The following RAPGEF4 variants were observed in gnomAD, a reference collection of about 807,000 sequenced individuals.
RAPGEF4 encodes RAP guanine-nucleotide-exchange factor (GEF) 4.
RAPGEF4 carries 66 observed loss-of-function variants against 147.9 expected under a neutral mutation model. The observed-to-expected ratio is 0.45, with a 90% CI of 0.37 to 0.55. The LOEUF (loss-of-function observed/expected upper bound fraction) is 0.55, where lower values mean the gene tolerates loss of function less well. RAPGEF4 is among the 20% of genes least tolerant of loss of function. The pLI is 0.00. For synonymous variants in RAPGEF4, 419 were observed against 442.7 expected (o/e 0.95, Z 0.67); for missense variants, 1,071 against 1,257.3 (o/e 0.85, Z 2.24).
chr2:172,832,188 T>A (rs1239156422), intron 4 of RAPGEF4, among the ~76,000 whole-genome samples: 1 of 152,232 alleles, frequency 6.6e-6, no homozygotes, highest in African/African-American at 2.4e-5. Flanking sequence ...TCCCTCTGGA[T>A]CTTACCAGTT....
chr2:173,043,232 G>A (rs2106054989), intron 29 of RAPGEF4, among the ~76,000 whole-genome samples: 1 of 152,342 alleles, frequency 6.6e-6, no homozygotes, highest in South Asian at 2.1e-4. Flanking sequence ...ATAGGCATAG[G>A]TCTGGAGACA....
intron 15 of RAPGEF4, among the ~76,000 whole-genome samples, chr2:172,991,473 A>G (rs1012604857): frequency 6.6e-6 from 1 of 152,202 alleles, no homozygotes. Context: ...CACATTTCTC[A>G]GATGTCCTGT....
intron 30 of RAPGEF4, 56 bp from the exon 31 acceptor site, chr2:173,051,584 G>A: frequency 6.5e-7 from 1 of 1,532,778 alleles, no homozygotes; most frequent in Non-Finnish European, 8.9e-7. Context: ...AAGTAAGATT[G>A]TATCTTATAT....
intron 4 of RAPGEF4, among the ~76,000 whole-genome samples, chr2:172,857,174 GCACACA>G (rs34315927): frequency 3.3e-4 from 49 of 150,130 alleles, no homozygotes; most frequent in African/African-American, 6.4e-4. Context: ...GTGTGCGCGC[GCACACA>G]CACACACACA....
chr2:172,864,118 T>G (rs1416502432), intron 4 of RAPGEF4, among the ~76,000 whole-genome samples: 1 of 152,240 alleles, frequency 6.6e-6, no homozygotes, highest in African/African-American at 2.4e-5. Context: ...AGGATTTTCC[T>G]GTCCTTATTT....
chr2:172,793,581 C>T (rs1194696133), intron 1 of RAPGEF4, among the ~76,000 whole-genome samples: 1 of 152,164 alleles, frequency 6.6e-6, no homozygotes, highest in Non-Finnish European at 1.5e-5. Flanking sequence ...TCCCAGAATG[C>T]TCTGGGGAAT....
chr2:172,973,340 C>G (rs1690713580), intron 10 of RAPGEF4, among the ~76,000 whole-genome samples: 1 of 151,854 alleles, frequency 6.6e-6, no homozygotes, highest in Non-Finnish European at 1.5e-5. Context: ...CTTGAACTCC[C>G]AGACTCAAGC....
At chr2:172,850,610 T>A (rs1692701153) in intron 4 of RAPGEF4, among the ~76,000 whole-genome samples, 1 of 151,502 alleles carries the variant, frequency 6.6e-6, no homozygotes, top group Non-Finnish European at 1.5e-5. Context: ...AGAGCGAGAC[T>A]CTGTCTCAAA....
intron 14 of RAPGEF4, among the ~76,000 whole-genome samples, chr2:172,990,044 A>G (rs957792332): frequency 1.3e-4 from 20 of 152,032 alleles, no homozygotes; most frequent in African/African-American, 4.6e-4. Flanking sequence ...AGAAAAAAAA[A>G]GGCTAAAATG....
At chr2:173,020,576 A>C (rs1217668293) in intron 22 of RAPGEF4, 42 bp from the exon 23 acceptor site, 1 of 1,496,546 alleles carries the variant, frequency 6.7e-7, no homozygotes, top group East Asian at 2.3e-5. Flanking sequence ...AGCAAATCTC[A>C]GATGTATTTA....
At chr2:172,819,534 C>T (rs547319645) in intron 4 of RAPGEF4, among the ~76,000 whole-genome samples, 1 of 136,672 alleles carries the variant, frequency 7.3e-6, no homozygotes, top group African/African-American at 2.9e-5. Flanking sequence ...GGCGCGATCT[C>T]GGCTCACTGC....
At chr2:173,024,477 A>G (rs923656826) in intron 23 of RAPGEF4, among the ~76,000 whole-genome samples, 3 of 140,420 alleles carry the variant, frequency 2.1e-5, no homozygotes, top group African/African-American at 7.4e-5. Flanking sequence ...TCGGCCTCCC[A>G]AAGTGCTGGG....
At chr2:172,944,392 G>A (rs1352196648) in intron 6 of RAPGEF4, among the ~76,000 whole-genome samples, 1 of 152,156 alleles carries the variant, frequency 6.6e-6, no homozygotes. Context: ...GTGTTTCCAT[G>A]TTAGGTAGAG....
chr2:172,962,715 G>A (rs1008591149), intron 8 of RAPGEF4, among the ~76,000 whole-genome samples: 2 of 152,068 alleles, frequency 1.3e-5, no homozygotes, highest in Non-Finnish European at 2.9e-5. Context: ...ACTTGAGAAA[G>A]TGCCTTAGTG....
intron 3 of RAPGEF4, among the ~76,000 whole-genome samples, chr2:172,802,685 C>T (rs1226318326): frequency 2.0e-5 from 3 of 152,210 alleles, no homozygotes; most frequent in Non-Finnish European, 2.9e-5. Context: ...AGTCTTAATT[C>T]ATTTCAGCAT....
At chr2:172,787,853 C>G (rs1381333181) in intron 1 of RAPGEF4, among the ~76,000 whole-genome samples, 2 of 152,102 alleles carry the variant, frequency 1.3e-5, no homozygotes, top group African/African-American at 4.8e-5. Flanking sequence ...CTGCTGGGCT[C>G]AAGCAACCCT....
intron 1 of RAPGEF4, among the ~76,000 whole-genome samples, chr2:172,774,597 C>A (rs1460629603): frequency 6.6e-6 from 1 of 152,210 alleles, no homozygotes; most frequent in Admixed American, 6.5e-5. Context: ...GAAAGCTGAG[C>A]ATTGGAAGAA....
intron 29 of RAPGEF4, among the ~76,000 whole-genome samples, chr2:173,046,323 G>C (rs1242399111): frequency 6.6e-6 from 1 of 152,196 alleles, no homozygotes; most frequent in Non-Finnish European, 1.5e-5. Flanking sequence ...TGAAGTCTCA[G>C]AGTATAGCTT....
chr2:172,773,125 C>T (rs1047351568), intron 1 of RAPGEF4, among the ~76,000 whole-genome samples: 17 of 152,006 alleles, frequency 1.1e-4, no homozygotes, highest in Admixed American at 4.6e-4. Context: ...GGGCATTTTC[C>T]TTCTTACACA....
Sources: allele counts gnomAD v4.1 joint callset (sites outside exome capture counted in the v4.1 genomes callset), GRCh38; gene constraint gnomAD v4.1.1; transcripts MANE v1.5; gene names NCBI Gene and HGNC (gene_info 2026-07-23, HGNC 2026-07-21).